Variants in ELFN1 observed in about 807,000 individuals in gnomAD.
ELFN1 encodes the protein extracellular leucine rich repeat and fibronectin type III domain containing 1, also known as protein ELFN1.
A neutral mutation model predicts 7.6 loss-of-function variants in ELFN1; 6 were observed. The observed-to-expected ratio is 0.79, with a 90% CI of 0.43 to 1.56. The LOEUF (loss-of-function observed/expected upper bound fraction) is 1.56. Among genes scored for constraint, ELFN1 ranks in the 40% most tolerant of loss-of-function variants. The probability of loss-of-function intolerance (pLI) is 0.01; values close to 1 mark genes in which losing one functional copy is unlikely to be tolerated. For synonymous variants in ELFN1, 657 were observed against 588.1 expected (o/e 1.12, Z -1.70); for missense variants, 1,169 against 1,232.2 (o/e 0.95, Z 0.77).
chr7:1,703,118 C>T (rs1201281825), intron 2 of ELFN1, among the ~76,000 whole-genome samples: 2 of 152,258 alleles, frequency 1.3e-5, no homozygotes, highest in East Asian at 3.9e-4. Flanking sequence ...ACTGTATTTT[C>T]TAAAAATTTG....
chr7:1,746,034 C>G lies in ELFN1; in HGVS notation c.1438C>G (p.Leu480Val), dbSNP rs1361230546. Residue 480 changes from leucine (L) to valine (V), a missense_variant, in exon 4 of 4, where the codon CTG becomes GTG. Coordinates refer to ENST00000424383, the MANE Select transcript of ELFN1 (RefSeq NM_001128636.4). ...KYGPELEAPG[L>V]APLSQGPLLG... ...CGGGCCAGAGCTGGAGGCGCCCGGC[C>G]TGGCCCCGCTGTCCCAGGGCCCGCT... 3 of 1,545,764 alleles carry G rather than the reference C, an allele frequency of 1.9e-6. No individual in the cohort carries two copies. In the African/African-American group the frequency reaches 4.1e-5, roughly 21 times the overall value.
At chr7:1,707,593 G>T (rs1052717248) in intron 2 of ELFN1, among the ~76,000 whole-genome samples, 1 of 152,236 alleles carries the variant, frequency 6.6e-6, no homozygotes, top group Non-Finnish European at 1.5e-5. Flanking sequence ...AAGGCCTGGG[G>T]CAGAGCGGGT....
Position 1,746,790 on chromosome 7 carries a change from C to T in ELFN1, c.2194C>T (p.Arg732Cys), listed in dbSNP as rs913541918. ...PPPPPHEGLG[R>C]KASILEPLTR... ...GCCGCCTCCGCACGAGGGCCTGGGG[C>T]GCAAGGCGTCCATCCTGGAGCCACT... Residue 732 changes from arginine to cysteine, a missense_variant, in exon 4 of 4, where the codon CGC becomes TGC. Around this residue, in one of 2 missense-constraint regions of ELFN1, gnomAD observed 914 missense variants for 872.6 expected, o/e 1.05. Transcript: ENST00000424383. The T allele has an allele frequency of 2.8e-5, 43 of 1,528,222 alleles. No individual in the cohort carries two copies. Among genetic ancestry groups the T allele is most frequent in the Non-Finnish European group, 3.5e-5 (40 of 1,141,566 alleles). The allele number at this position is 1,528,222 out of a possible 1,614,324, so 94.7% of individuals were successfully genotyped here.
chr7:1,668,341 G>A (rs4320443), upstream of ELFN1, among the ~76,000 whole-genome samples: 10,176 of 152,322 alleles, frequency 0.067, 451 homozygotes, highest in Middle Eastern at 0.12. Context: ...CCAGCACAGC[G>A]CAGGGCACAC....
At chr7:1,726,458 C>T (rs547719550) in intron 3 of ELFN1, among the ~76,000 whole-genome samples, 5 of 152,374 alleles carry the variant, frequency 3.3e-5, no homozygotes, top group African/African-American at 9.6e-5. Flanking sequence ...CCCAACACCA[C>T]GCCAAGTCCC....
chr7:1,746,957 C>T lies in ELFN1; in HGVS notation c.2361C>T (p.His787=), dbSNP rs1442114210. ...WERFRLSRRR[H]KEEEEFMAAG... Reference sequence around the variant, plus strand: ...GCTTCAGACTGAGCCGCCGGCGGCACAAGGAGGAAGAGGAGTTCATGGCCG... The same window carrying T: ...GCTTCAGACTGAGCCGCCGGCGGCATAAGGAGGAAGAGGAGTTCATGGCCG... The change falls in exon 4 of 4, where the codon CAC becomes CAT. Residue 787 remains histidine (H), a synonymous_variant. Transcript: ENST00000424383. The T allele has an allele frequency of 3.2e-6, 5 of 1,552,370 alleles. No homozygotes were observed. The highest frequency in any genetic ancestry group is 2.0e-5 in the Admixed American group (1 of 51,098).
At chr7:1,720,990 G>A (rs1250338012) in intron 3 of ELFN1, among the ~76,000 whole-genome samples, 3 of 152,092 alleles carry the variant, frequency 2.0e-5, no homozygotes, top group Non-Finnish European at 1.5e-5. Context: ...TCCTCTTCTG[G>A]AAAATGAGAA....
rs558901515 is a variant in ELFN1, at chr7:1,727,759, T to C, written c.-293-16545T>C. On this transcript the variant is annotated intron_variant, in intron 3 of 3. Transcript: ENST00000424383. ...AAGCAGGTGAGACTACAGGCATGTA[T>C]CACCATGCCCAGCTGATTTCTTATT... 1.7e-4 allele frequency among the ~76,000 whole-genome samples: 26 copies of C among 152,260 alleles called. No homozygotes were observed. In the East Asian group the frequency reaches 3.3e-3, roughly 19 times the overall value.
chr7:1,745,049 C>T lies in ELFN1; in HGVS notation c.453C>T (p.Ser151=). 1 of 1,551,130 alleles carries T rather than the reference C, an allele frequency of 6.4e-7. No individual in the cohort carries two copies. Among genetic ancestry groups the T allele is most frequent in the African/African-American group, 1.4e-5 (1 of 73,168 alleles). Residue 151 remains serine (S), a synonymous_variant, in exon 4 of 4, where the codon AGC becomes AGT. Coordinates refer to ENST00000424383, the MANE Select transcript of ELFN1 (RefSeq NM_001128636.4). ...TCATCGAGGTGGTCATGGCCAGCAG[C>T]TTCTGGGAGTGTCCCAACATCGTCA... is the stretch of plus-strand genomic sequence containing the variant. The part of the protein sequence containing the change: ...ANLIEVVMAS[S]FWECPNIVNI...
chr7:1,669,704 G>A (rs756122783), upstream of ELFN1, among the ~76,000 whole-genome samples: 1 of 152,224 alleles, frequency 6.6e-6, no homozygotes, highest in Non-Finnish European at 1.5e-5. Context: ...CCAGGGCTGG[G>A]CAGAGGAGGC....
At chr7:1,706,004 C>T (rs1779522902) in intron 2 of ELFN1, among the ~76,000 whole-genome samples, 2 of 152,196 alleles carry the variant, frequency 1.3e-5, no homozygotes, top group Non-Finnish European at 2.9e-5. Flanking sequence ...TGAGGCACAG[C>T]ATTCCAGGGG....
intron 1 of ELFN1, among the ~76,000 whole-genome samples, chr7:1,672,227 C>G (rs1283563343): frequency 2.6e-5 from 4 of 152,176 alleles, no homozygotes; most frequent in Admixed American, 6.5e-5. Flanking sequence ...CACCTGCACC[C>G]AGGACCAGAG....
intron 3 of ELFN1, among the ~76,000 whole-genome samples, chr7:1,719,490 C>T (rs1029316231): frequency 6.6e-6 from 1 of 152,242 alleles, no homozygotes; most frequent in Non-Finnish European, 1.5e-5. Context: ...TGGACACACC[C>T]ACCCCTGGAG....
chr7:1,707,704 A>G (rs1779565233), intron 2 of ELFN1, among the ~76,000 whole-genome samples: 1 of 152,240 alleles, frequency 6.6e-6, no homozygotes. Flanking sequence ...TATTTCAATT[A>G]GTGGTTAAGT....
rs767651215 is a variant in ELFN1 at position 1,695,160 on chromosome 7, T to C, written c.-456+7010T>C. Reference sequence around the variant, plus strand: ...ACCTGCTCTGTGGCTCCAGAGCTCATGCGCAGCCCGCTGGGGCTGTGAGGG... The same window carrying C: ...ACCTGCTCTGTGGCTCCAGAGCTCACGCGCAGCCCGCTGGGGCTGTGAGGG... On this transcript the variant is annotated intron_variant, in intron 2 of 3. Coordinates refer to ENST00000424383, the MANE Select transcript of ELFN1 (RefSeq NM_001128636.4). The surrounding 1 kb of genome is among the most constrained non-coding windows in gnomAD (Gnocchi z 5.1). Among the ~76,000 whole-genome samples the C allele has an allele frequency of 6.6e-6, 1 of 152,186 alleles. No individual in the cohort carries two copies. Among genetic ancestry groups the C allele is most frequent in the Admixed American group, 6.5e-5 (1 of 15,286 alleles).
At chr7:1,715,901 A>G (rs1342280644) in intron 3 of ELFN1, among the ~76,000 whole-genome samples, 1 of 152,008 alleles carries the variant, frequency 6.6e-6, no homozygotes. Flanking sequence ...TCCTCCCTTC[A>G]TAGACCCTAC....
chr7:1,677,492 G>A (rs1177312321), intron 1 of ELFN1, among the ~76,000 whole-genome samples: 1 of 152,154 alleles, frequency 6.6e-6, no homozygotes, highest in Non-Finnish European at 1.5e-5. Context: ...ATTACCACTT[G>A]TGTGAACAGA....
In ELFN1 at chr7:1,670,901, G is replaced by C. The variant is rs1778752268; in HGVS notation, c.-549+547G>C. Among the ~76,000 whole-genome samples the C allele has an allele frequency of 6.6e-6, 1 of 152,094 alleles. No individual in the cohort carries two copies. On this transcript the variant is annotated intron_variant, in intron 1 of 3. Coordinates refer to ENST00000424383, the MANE Select transcript of ELFN1 (RefSeq NM_001128636.4). This position sits in a 1 kb window ranked among gnomAD's most constrained non-coding sequence, Gnocchi z 6.4. ...CGCACGGGGAGGGGTCACATTCCTC[G>C]GTCCCAGCCCCTGAGTCCAACCACT...
intron 2 of ELFN1, among the ~76,000 whole-genome samples, chr7:1,689,821 C>T (rs889855193): frequency 6.6e-6 from 1 of 152,120 alleles, no homozygotes; most frequent in Non-Finnish European, 1.5e-5. Flanking sequence ...ATGGGGAGTC[C>T]TCTGGTTCTT....
Sources: gnomAD v4.1 joint callset for allele counts (sites outside exome capture counted in the v4.1 genomes callset) on GRCh38, gnomAD v4.1.1 for gene constraint, gnomAD v4.1.1 regional missense constraint, Gnocchi (gnomAD v3.1) non-coding constraint, MANE v1.5 for transcripts, NCBI Gene and HGNC (gene_info 2026-07-23, HGNC 2026-07-21) for gene names.